Variants in ORC3 observed in about 807,000 individuals in gnomAD.
ORC3 encodes homolog of latheo, Drosophila.
ORC3 carries 78 observed loss-of-function variants against 100.7 expected under a neutral mutation model. That is an observed-to-expected ratio of 0.77 (90% CI 0.65 to 0.94). ORC3 has a LOEUF of 0.94. Ranked by LOEUF, ORC3 falls within the 40% of genes least tolerant of loss-of-function variation. ORC3 has a pLI of 0.00. For synonymous variants in ORC3, 295 were observed against 289.3 expected (o/e 1.02, Z -0.20); for missense variants, 789 against 823.9 (o/e 0.96, Z 0.52).
chr6:87,643,427 C>T (rs1032072175), intron 13 of ORC3, among the ~76,000 whole-genome samples: 10 of 144,260 alleles, frequency 6.9e-5, no homozygotes, highest in Non-Finnish European at 1.1e-4. Context: ...AAAAAAAAAG[C>T]GGGGAGGGGG....
At position 87,600,235 on chromosome 6, in the gene ORC3, C is replaced by T. The variant is rs534005079; in HGVS notation, c.80-1549C>T. ...TAGATTATTAGCAGCAGAAATTTAA[C>T]GTGAACACTCCAGTTGTTACAATAA... On this transcript the variant is annotated intron_variant, in intron 2 of 19. Coordinates refer to ENST00000392844, the MANE Select transcript of ORC3 (RefSeq NM_012381.4). Among the ~76,000 whole-genome samples, 11 of 152,148 alleles carry T rather than the reference C, an allele frequency of 7.2e-5. 1 individual carries two copies. Among genetic ancestry groups the T allele is most frequent in the South Asian group, 2.1e-4 (1 of 4,826 alleles).
chr6:87,613,919 C>T (rs754773337), intron 8 of ORC3, among the ~76,000 whole-genome samples: 24 of 152,302 alleles, frequency 1.6e-4, no homozygotes, highest in South Asian at 4.1e-4. Flanking sequence ...TCCAGGCACA[C>T]GGTGCAAGCT....
downstream of ORC3, among the ~76,000 whole-genome samples, chr6:87,670,793 C>T (rs928137071): frequency 2.6e-5 from 4 of 152,156 alleles, no homozygotes; most frequent in South Asian, 2.1e-4. Context: ...GCCTTCACTG[C>T]GTTTAGCACA....
chr6:87,675,927 T>C, the ORC3 span: 109 of 1,611,686 alleles, frequency 6.8e-5, 1 homozygote, highest in Admixed American at 1.8e-3. Context: ...ACGCATCATA[T>C]TGTTCTATAA....
chr6:87,613,189 A>G (rs1012038952), intron 8 of ORC3, among the ~76,000 whole-genome samples: 1 of 152,192 alleles, frequency 6.6e-6, no homozygotes, highest in Non-Finnish European at 1.5e-5. Context: ...AGGCCTCACA[A>G]TCATGGTGGA....
chr6:87,599,987 G>A (rs9444522), intron 2 of ORC3, among the ~76,000 whole-genome samples: 92,470 of 151,880 alleles, frequency 0.61, 28,970 homozygotes, highest in African/African-American at 0.75. Context: ...AATAGTAATA[G>A]TAATAATAGT....
chr6:87,592,077 T>A (rs1223305089), intron 1 of ORC3, among the ~76,000 whole-genome samples: 3 of 152,206 alleles, frequency 2.0e-5, no homozygotes, highest in African/African-American at 4.8e-5. Context: ...CGTGAAATTT[T>A]CTGGCTGTTG....
At chr6:87,663,213 T>A (rs1017558075) in intron 17 of ORC3, 69 bp downstream of exon 17, 2 of 1,215,436 alleles carry the variant, frequency 1.6e-6, no homozygotes, top group Admixed American at 1.8e-5. Flanking sequence ...AAAAATATAC[T>A]AAATTTGCAG....
At position 87,616,483 on chromosome 6, in the gene ORC3, C is replaced by T. The variant is rs1038532922; in HGVS notation, c.987+56C>T. The T allele has an allele frequency of 3.6e-5, 27 of 754,038 alleles. No individual in the cohort carries two copies. In the South Asian group the frequency reaches 3.9e-4, roughly 11 times the overall value. The allele number at this position is 754,038 out of a possible 1,614,324, so 46.7% of individuals were successfully genotyped here. Reference sequence around the variant, plus strand: ...TCAAGCTGATTCTAAATAATTTGCACATTATTTCAGGCTGTCTAGTGTGAT... The same window carrying T: ...TCAAGCTGATTCTAAATAATTTGCATATTATTTCAGGCTGTCTAGTGTGAT... On this transcript the variant is annotated intron_variant, in intron 9 of 19. Transcript: ENST00000392844.
At chr6:87,601,678 A>G in intron 2 of ORC3, 106 bp from the exon 3 acceptor site, 1 of 689,940 alleles carries the variant, frequency 1.4e-6, no homozygotes. Context: ...TATCAAAAAA[A>G]AAAAAAATTT....
At chr6:87,660,384 G>T (rs1449115132) in intron 16 of ORC3, among the ~76,000 whole-genome samples, 1 of 152,192 alleles carries the variant, frequency 6.6e-6, no homozygotes, top group Non-Finnish European at 1.5e-5. Context: ...GGCCAGAGAG[G>T]GGCTGTGACT....
rs988564099 is a variant in ORC3 at position 87,604,130 on chromosome 6, T to A, written c.322+602T>A. On this transcript the variant is annotated intron_variant, in intron 4 of 19. Coordinates refer to ENST00000392844, the MANE Select transcript of ORC3 (RefSeq NM_012381.4). Reference sequence around the variant, plus strand: ...TTGGATTCCAGCACAATGGAAAAAATTTCTTTGGAATATTAGCAAATTTTC... The same window carrying A: ...TTGGATTCCAGCACAATGGAAAAAAATTCTTTGGAATATTAGCAAATTTTC... Among the ~76,000 whole-genome samples the A allele has an allele frequency of 9.9e-5, 15 of 152,218 alleles. 1 individual carries two copies. The highest frequency in any genetic ancestry group is 8.5e-4 in the Admixed American group (13 of 15,280).
intron 13 of ORC3, among the ~76,000 whole-genome samples, chr6:87,640,518 G>A (rs939514659): frequency 5.3e-5 from 8 of 152,150 alleles, no homozygotes; most frequent in African/African-American, 1.7e-4. Flanking sequence ...TATGGGATAT[G>A]AGTAGGTTAA....
chr6:87,642,340 A>G (rs1768332140), intron 13 of ORC3, among the ~76,000 whole-genome samples: 1 of 152,024 alleles, frequency 6.6e-6, no homozygotes, highest in African/African-American at 2.4e-5. Flanking sequence ...CCTGTAATTC[A>G]AGTACTTTGG....
intron 16 of ORC3, among the ~76,000 whole-genome samples, chr6:87,660,784 G>T (rs1770118855): frequency 6.6e-6 from 1 of 152,172 alleles, no homozygotes; most frequent in Non-Finnish European, 1.5e-5. Flanking sequence ...TCCAAAATGA[G>T]CATAATGCAG....
rs1365784730 is a variant in ORC3 at position 87,653,108 on chromosome 6, T to C, written c.1383-8T>C. On this transcript the variant is annotated splice_region_variant and splice_polypyrimidine_tract_variant and intron_variant, in intron 13 of 19. Transcript: ENST00000392844. ...ATATTACATTTCCTGTCACTGACTC[T>C]GTTCTAGGATGTTGGCAAAGGATGA... The C allele has an allele frequency of 1.3e-6, 2 of 1,577,482 alleles. No individual in the cohort carries two copies. The highest frequency in any genetic ancestry group is 2.2e-5 in the East Asian group (1 of 44,572).
chr6:87,651,874 T>A (rs1769296328), intron 13 of ORC3, among the ~76,000 whole-genome samples: 2 of 152,030 alleles, frequency 1.3e-5, no homozygotes, highest in African/African-American at 4.8e-5. Context: ...TCTGGATTTG[T>A]CTGTTACTTC....
At chr6:87,601,487 A>G (rs1429607890) in intron 2 of ORC3, among the ~76,000 whole-genome samples, 1 of 152,142 alleles carries the variant, frequency 6.6e-6, no homozygotes, top group Non-Finnish European at 1.5e-5. Flanking sequence ...CCTGGCCAAC[A>G]TGGTGAAACC....
intron 2 of ORC3, among the ~76,000 whole-genome samples, chr6:87,600,609 G>A (rs13203790): frequency 0.072 from 10,945 of 152,190 alleles, 551 homozygotes; most frequent in African/African-American, 0.15. Flanking sequence ...GTTCAAGACT[G>A]GTAGGAGAAT....
Sources: allele counts gnomAD v4.1 joint callset (sites outside exome capture counted in the v4.1 genomes callset), GRCh38; gene constraint gnomAD v4.1.1; transcripts MANE v1.5; gene names NCBI Gene and HGNC (gene_info 2026-07-23, HGNC 2026-07-21).